The following TACO1 variants were observed in gnomAD, a reference collection of about 807,000 sequenced individuals.
The protein encoded by TACO1 is translational activator of cytochrome c oxidase I.
A neutral mutation model predicts 24.0 loss-of-function variants in TACO1; 13 were observed. The observed-to-expected ratio is 0.54, with a 90% CI of 0.35 to 0.86. The LOEUF (loss-of-function observed/expected upper bound fraction) is 0.86, where lower values mean the gene tolerates loss of function less well. Ranked by LOEUF, TACO1 falls within the 40% of genes least tolerant of loss-of-function variation. TACO1 has a pLI of 0.01. For missense variants in TACO1, 352 were observed against 380.1 expected, an observed-to-expected ratio of 0.93 and a Z score of 0.61; for synonymous variants, 149 against 153.5, an observed-to-expected ratio of 0.97 and a Z score of 0.22.
chr17:63,603,177 A>G (rs138844284), intron 1 of TACO1, among the ~76,000 whole-genome samples: 2 of 152,192 alleles, frequency 1.3e-5, no homozygotes, highest in African/African-American at 4.8e-5. Context: ...CGGCGCTTGC[A>G]GTGAGCCGAG....
In TACO1 at chr17:63,601,020, A is replaced by C; in HGVS notation, c.-64A>C. 6.6e-7 allele frequency: 1 copy of C among 1,520,370 alleles called. No individual in the cohort carries two copies. The highest frequency in any genetic ancestry group is 1.2e-5 in the South Asian group (1 of 83,178). 94.2% of individuals were successfully genotyped at this position (1,520,370 alleles called of 1,614,324 possible). A position where few individuals can be genotyped will look rare whatever the true frequency, so the allele number is the denominator to read the frequency against. On this transcript the variant is annotated 5_prime_UTR_variant, in exon 1 of 5. Transcript: ENST00000258975. ...GGGGTCCGGAACTGCTTGTTCCGGC[A>C]GTGGAAGAGACGCGCCGGCGTTGGC...
intron 4 of TACO1, 28 bp from the exon 5 acceptor site, chr17:63,607,774 T>C (rs777902276): frequency 3.7e-6 from 6 of 1,608,998 alleles, no homozygotes; most frequent in Non-Finnish European, 4.2e-6. Context: ...TCCTGGCTCC[T>C]CACCTCCTGA....
chr17:63,602,966 T>A (rs993113015), intron 1 of TACO1, among the ~76,000 whole-genome samples: 24 of 152,198 alleles, frequency 1.6e-4, no homozygotes, highest in Non-Finnish European at 2.2e-4. Flanking sequence ...CTGGGCACGG[T>A]GGCTCACACC....
chr17:63,604,319 G>A (rs2033846063), intron 1 of TACO1, among the ~76,000 whole-genome samples: 1 of 152,184 alleles, frequency 6.6e-6, no homozygotes. Context: ...GCCAGCAACA[G>A]AGTGAGACTC....
rs1359204299 is a variant in TACO1 at position 63,600,913 on chromosome 17, G to T, written c.-171G>T. On this transcript the variant is annotated 5_prime_UTR_variant, in exon 1 of 5. Transcript: ENST00000258975. ...GGCCCCCAGTCCCGGGTGCCGCGGG[G>T]ACAGTGTAGGGTCATTAGCTGTTGA... 4 of 662,268 alleles carry T rather than the reference G, an allele frequency of 6.0e-6. No individual in the cohort carries two copies. The highest frequency in any genetic ancestry group is 5.7e-5 in the African/African-American group (3 of 52,864). 41.0% of individuals were successfully genotyped at this position (662,268 alleles called of 1,614,324 possible).
Position 63,601,231 on chromosome 17 carries a change from C to T in TACO1, c.148C>T (p.Leu50=). The change falls in exon 1 of 5, where the codon CTG becomes TTG. Residue 50 remains leucine, a synonymous_variant. Transcript: ENST00000258975. ...CTGCGGTGCCGCTCCGGGCAGGACG[C>T]TGCACTTTACCGCGGCTGTCCCCGC... is the stretch of plus-strand genomic sequence containing the variant. ...RGCGAAPGRT[L]HFTAAVPAGH... is the part of the protein sequence containing the mutation. 6.2e-7 allele frequency: 1 copy of T among 1,602,268 alleles called. No individual in the cohort carries two copies. The highest frequency in any genetic ancestry group is 8.5e-7 in the Non-Finnish European group (1 of 1,175,014).
At position 63,601,232 on chromosome 17, in the gene TACO1, TGCAC is replaced by T; in HGVS notation, c.150_153del (p.His51LeufsTer35). The T allele has an allele frequency of 6.2e-7, 1 of 1,602,868 alleles. No homozygotes were observed. Among genetic ancestry groups the T allele is most frequent in the Middle Eastern group, 1.7e-4 (1 of 5,956 alleles). On this transcript the variant is annotated frameshift_variant, in exon 1 of 5. Transcript: ENST00000258975. LOFTEE classifies it high-confidence loss of function. ...TGCGGTGCCGCTCCGGGCAGGACGC[TGCAC>T]TTTACCGCGGCTGTCCCCGCCGGGC...
chr17:63,607,306 G>C lies in TACO1; in HGVS notation c.535G>C (p.Ala179Pro), dbSNP rs760146403. 1.2e-6 allele frequency: 2 copies of C among 1,613,946 alleles called. No individual in the cohort carries two copies. Among genetic ancestry groups the C allele is most frequent in the Non-Finnish European group, 8.5e-7 (1 of 1,180,006 alleles). The change falls in exon 4 of 5, where the codon GCT becomes CCT. Residue 179 changes from alanine to proline, a missense_variant. Transcript: ENST00000258975. ...TGTCAGAGGAGTGATGGCTGTAGGA[G>C]CTCGTCACTCTTTTGACAAAAAGGG... The part of the protein sequence containing the change: ...NKNGGVMAVG[A>P]RHSFDKKGVI...
At chr17:63,605,392 A>AG (rs1361205626) in intron 2 of TACO1, among the ~76,000 whole-genome samples, 3 of 152,164 alleles carry the variant, frequency 2.0e-5, no homozygotes, top group Non-Finnish European at 4.4e-5. Flanking sequence ...TGGGGCAGGT[A>AG]GGGAGGCTCT....
rs368118012 is a variant in TACO1 at position 63,607,402 on chromosome 17, A to C, written c.631A>C (p.Ile211Leu). The part of the protein sequence containing the change: ...VNLERALEMA[I>L]EAGAEDVKET... ...CCTAGAGCGTGCCCTGGAGATGGCA[A>C]TCGAAGCAGGAGCTGAGGATGTCAA... The change falls in exon 4 of 5, where the codon ATC becomes CTC. Residue 211 changes from isoleucine (I) to leucine (L), a missense_variant. Ile to Leu is a conservative substitution (Grantham distance 5). Coordinates refer to ENST00000258975, the MANE Select transcript of TACO1 (RefSeq NM_016360.4). 2 of 1,614,222 alleles carry C rather than the reference A, an allele frequency of 1.2e-6. No individual in the cohort carries two copies. The highest frequency in any genetic ancestry group is 1.3e-5 in the African/African-American group (1 of 75,054).
intron 1 of TACO1, among the ~76,000 whole-genome samples, chr17:63,602,090 CAAAA>C (rs11288092): frequency 2.6e-4 from 22 of 84,224 alleles, no homozygotes; most frequent in African/African-American, 1.1e-3. Context: ...CTAAAAATAA[CAAAA>C]AAAAAAAAAA....
At chr17:63,603,335 A>G (rs997745336) in intron 1 of TACO1, among the ~76,000 whole-genome samples, 2 of 152,336 alleles carry the variant, frequency 1.3e-5, no homozygotes, top group Admixed American at 6.5e-5. Flanking sequence ...GTTACCATCT[A>G]TAACCCTTCT....
chr17:63,604,679 T>C, intron 2 of TACO1, 39 bp downstream of exon 2: 1 of 1,566,754 alleles, frequency 6.4e-7, no homozygotes, highest in Non-Finnish European at 8.8e-7. Flanking sequence ...GATCACAGCC[T>C]CTACCGGGCT....
chr17:63,603,997 T>C (rs55853543), intron 1 of TACO1, among the ~76,000 whole-genome samples: 33,749 of 146,316 alleles, frequency 0.23, 3,996 homozygotes, highest in Middle Eastern at 0.36. Flanking sequence ...CCAGCCTGGG[T>C]GACAAAGTGA....
rs766659067 is a variant in TACO1 at position 63,607,861 on chromosome 17, G to A, written c.753G>A (p.Leu251=). ...GGAAGAAGCTGGACTCCCTGGGCCT[G>A]TGTTCTGTGTCCTGTGCACTAGAGT... ...QVRKKLDSLG[L]CSVSCALEFI... The change falls in exon 5 of 5, where the codon CTG becomes CTA. Residue 251 remains leucine, a synonymous_variant. Coordinates refer to ENST00000258975, the MANE Select transcript of TACO1 (RefSeq NM_016360.4). 3 of 1,614,076 alleles carry A rather than the reference G, an allele frequency of 1.9e-6. No homozygotes were observed. In the African/African-American group the frequency reaches 4.0e-5, roughly 22 times the overall value.
chr17:63,602,262 CAAA>C (rs897099348), intron 1 of TACO1, among the ~76,000 whole-genome samples: 6 of 60,402 alleles, frequency 9.9e-5, no homozygotes, highest in Admixed American at 2.0e-4. Context: ...GACTCCATCT[CAAA>C]AAAAAAAAAA....
In TACO1 at chr17:63,606,330, T is replaced by C. The variant is rs775846319; in HGVS notation, c.405T>C (p.Tyr135=). 4 of 1,613,722 alleles carry C rather than the reference T, an allele frequency of 2.5e-6. No individual in the cohort carries two copies. The highest frequency in any genetic ancestry group is 1.7e-5 in the Admixed American group (1 of 60,014). The change falls in exon 3 of 5, where the codon TAT becomes TAC. Residue 135 remains tyrosine (Y), a synonymous_variant. Coordinates refer to ENST00000258975, the MANE Select transcript of TACO1 (RefSeq NM_016360.4). ...ALKMEKSKDT[Y]LLYEGRGPGG... ...TATTGCAGAAATCCAAGGACACTTA[T>C]TTGCTGTATGAGGGTCGAGGCCCTG...
chr17:63,605,826 CA>C (rs759044606), intron 2 of TACO1, among the ~76,000 whole-genome samples: 3 of 152,112 alleles, frequency 2.0e-5, no homozygotes, highest in Non-Finnish European at 4.4e-5. Context: ...ATGGAAGGTC[CA>C]GAAGAGATTA....
intron 1 of TACO1, 144 bp downstream of exon 1, chr17:63,601,507 A>G: frequency 2.2e-6 from 2 of 908,232 alleles, no homozygotes; most frequent in South Asian, 2.9e-5. Context: ...TGCCCACCTC[A>G]TAAATCCTCA....
Sources: gnomAD v4.1 joint callset for allele counts (sites outside exome capture counted in the v4.1 genomes callset) on GRCh38, gnomAD v4.1.1 for gene constraint, MANE v1.5 for transcripts, NCBI Gene and HGNC (gene_info 2026-07-23, HGNC 2026-07-21) for gene names.